The following MCOLN1 variants were observed in gnomAD, a reference collection of about 807,000 sequenced individuals.
MCOLN1 encodes the protein mucolipin TRP cation channel 1, also known as mucolipin-1.
MCOLN1 carries 50 observed loss-of-function variants against 70.3 expected under a neutral mutation model. The ratio of observed to expected loss-of-function variants is 0.71; its 90% confidence interval spans 0.57 to 0.90. MCOLN1 has a LOEUF of 0.90. Ranked by LOEUF, MCOLN1 falls within the 40% of genes least tolerant of loss-of-function variation. MCOLN1 has a pLI of 0.00. For missense variants in MCOLN1, 598 were observed against 803.5 expected (o/e 0.74, Z 3.09); for synonymous variants, 366 against 341.0 (o/e 1.07, Z -0.81).
rs766269225 is a variant in MCOLN1 at position 7,528,220 on chromosome 19, C to T, written c.840C>T (p.His280=). The change falls in exon 7 of 14, where the codon CAC becomes CAT. Residue 280 remains histidine (H), a synonymous_variant. Coordinates refer to ENST00000264079, the MANE Select transcript of MCOLN1 (RefSeq NM_020533.3). The surrounding 1 kb of genome is among the most constrained non-coding windows in gnomAD (Gnocchi z 4.2). ...RIPISLETQA[H]IQECKHPSVF... ...CCATCAGCCTGGAGACCCAGGCCCACATCCAGGAGTGTAAGCACCCCAGTG... is the reference window on the plus strand; with the variant it reads ...CCATCAGCCTGGAGACCCAGGCCCATATCCAGGAGTGTAAGCACCCCAGTG... 5.0e-6 allele frequency: 8 copies of T among 1,614,048 alleles called. No individual in the cohort carries two copies. The East Asian group carries it at 8.9e-5, about 18-fold the overall frequency.
chr19:7,526,296 T>C lies in MCOLN1; in HGVS notation c.238-143T>C. The C allele has an allele frequency of 1.1e-6, 1 of 917,200 alleles. No individual in the cohort carries two copies. The allele number at this position is 917,200 out of a possible 1,614,324, so 56.8% of individuals were successfully genotyped here. On this transcript the variant is annotated intron_variant, in intron 2 of 13. Coordinates refer to ENST00000264079, the MANE Select transcript of MCOLN1 (RefSeq NM_020533.3). The surrounding 1 kb of genome is among the most constrained non-coding windows in gnomAD (Gnocchi z 4.6). Reference sequence around the variant, plus strand: ...GAAATGCACAAGTGAAATCCGTGTTTGTGGCCCAAGTTAGCAGGGCCCTGC... The same window carrying C: ...GAAATGCACAAGTGAAATCCGTGTTCGTGGCCCAAGTTAGCAGGGCCCTGC...
Position 7,525,575 on chromosome 19 carries a change from G to A in MCOLN1, c.237+409G>A, listed in dbSNP as rs938802278. The A allele has an allele frequency of 3.8e-6, 1 of 264,128 alleles. No homozygotes were observed. The highest frequency in any genetic ancestry group is 7.4e-6 in the Non-Finnish European group (1 of 134,514). The allele number at this position is 264,128 out of a possible 1,614,324, so 16.4% of individuals were successfully genotyped here. A position where few individuals can be genotyped will look rare whatever the true frequency, so the allele number is the denominator to read the frequency against. On this transcript the variant is annotated intron_variant, in intron 2 of 13. Transcript: ENST00000264079. This position sits in a 1 kb window ranked among gnomAD's most constrained non-coding sequence, Gnocchi z 4.2. ...CACAGCAATAGAACATTGGGAGCTG[G>A]GATTTGAACCCAGGCAGTCTGACAC...
rs1184455409 is a variant in MCOLN1 at position 7,526,985 on chromosome 19, A to T, written c.571+59A>T. On this transcript the variant is annotated intron_variant, in intron 4 of 13. Transcript: ENST00000264079. The surrounding 1 kb of genome is among the most constrained non-coding windows in gnomAD (Gnocchi z 4.6). ...GCCTGAGCTGCTGGGATTAAAATCA[A>T]CAGCTGTGGCTGGGCACGGTGGCTC... 9.4e-6 allele frequency: 15 copies of T among 1,603,978 alleles called. No individual in the cohort carries two copies. In the Admixed American group the frequency reaches 2.3e-4, roughly 25 times the overall value.
chr19:7,529,863 G>A (rs1416178079), intron 11 of MCOLN1, 151 bp downstream of exon 11: 2 of 983,946 alleles, frequency 2.0e-6, no homozygotes, highest in East Asian at 2.4e-5. Context: ...TGCCATTATT[G>A]TTGTCACAGT....
chr19:7,529,413 C>A (rs184455224), intron 10 of MCOLN1, among the ~76,000 whole-genome samples, 177 bp from the exon 11 acceptor site: 2 of 152,306 alleles, frequency 1.3e-5, no homozygotes, highest in East Asian at 3.9e-4. Context: ...TCTAGCCGTG[C>A]GTTGCCCTCG....
chr19:7,527,954 C>A lies in MCOLN1; in HGVS notation c.771C>A (p.Ser257Arg), dbSNP rs113261161. 2,152 of 1,613,390 alleles carry A rather than the reference C, an allele frequency of 1.3e-3. 24 individuals carry two copies. In the African/African-American group the frequency reaches 0.026, roughly 19 times the overall value. Residue 257 changes from serine (S) to arginine (R), a missense_variant, in exon 6 of 14, where the codon AGC (serine) becomes AGA (arginine). This residue lies in a region of MCOLN1 where 461 missense variants were observed against 588.4 expected (regional missense o/e 0.78). Transcript: ENST00000264079. ...AGATCCCGGACTGCTATACCTTCAG[C>A]GTCCTGGTGAGGCCCCCCGGGAACC... ...NNEIPDCYTF[S>R]VLITFDNKAH...
rs1285448813 is a variant in MCOLN1 at position 7,522,761 on chromosome 19, C to G, written c.11C>G (p.Pro4Arg). ...CGCTCCCGCCCCAGCATGACAGCCC[C>G]GGCGGGTCCGCGCGGCTCAGGTGAG... MTAPAGPRGSETER... is the reference protein window; with the variant it reads MTARAGPRGSETER... Residue 4 changes from proline (P) to arginine (R), a missense_variant, in exon 1 of 14, where the codon CCG (proline) becomes CGG (arginine). By Grantham distance (103) the Pro-to-Arg change is moderately radical. Transcript: ENST00000264079. 8.4e-6 allele frequency: 12 copies of G among 1,423,546 alleles called. No individual in the cohort carries two copies. The highest frequency in any genetic ancestry group is 1.0e-5 in the Non-Finnish European group (11 of 1,091,968). 88.2% of individuals were successfully genotyped at this position (1,423,546 alleles called of 1,614,324 possible). A position where few individuals can be genotyped will look rare whatever the true frequency, so the allele number is the denominator to read the frequency against.
Position 7,528,973 on chromosome 19 carries a change from G to A in MCOLN1, c.1134+3G>A, listed in dbSNP as rs935807227. ...TGAAGATCGGCATCGAGGCCAAGGT[G>A]CGTCCTGCCAACACCCTGGGCCCCA... On this transcript the variant is annotated splice_donor_region_variant and intron_variant, in intron 9 of 13. Transcript: ENST00000264079. This position sits in a 1 kb window ranked among gnomAD's most constrained non-coding sequence, Gnocchi z 4.2. The A allele has an allele frequency of 1.9e-6, 3 of 1,614,100 alleles. No individual in the cohort carries two copies. Among genetic ancestry groups the A allele is most frequent in the African/African-American group, 1.3e-5 (1 of 75,052 alleles).
At chr19:7,532,482 GT>G (rs1416621142) in intron 12 of MCOLN1, among the ~76,000 whole-genome samples, 1 of 151,948 alleles carries the variant, frequency 6.6e-6, no homozygotes, top group Admixed American at 6.6e-5. Flanking sequence ...CCGAGGGGGG[GT>G]GGGGGTGGAT....
rs577502551 is a variant in MCOLN1, at chr19:7,527,085, G to T, written c.571+159G>T. On this transcript the variant is annotated intron_variant, in intron 4 of 13. Coordinates refer to ENST00000264079, the MANE Select transcript of MCOLN1 (RefSeq NM_020533.3). ...AGGCCAGAAGTTTGAGACCAGCCTG[G>T]GCCACGTAGGAAGACCTTGTCTCTA... The T allele has an allele frequency of 2.4e-4, 222 of 907,284 alleles. 3 individuals are homozygous for T. The South Asian group carries it at 3.0e-3, about 12-fold the overall frequency. The allele number at this position is 907,284 out of a possible 1,614,324, so 56.2% of individuals were successfully genotyped here. A position where few individuals can be genotyped will look rare whatever the true frequency, so the allele number is the denominator to read the frequency against.
rs573886701 is a variant in MCOLN1, at chr19:7,528,993, G to T, written c.1134+23G>T. 4.0e-5 allele frequency: 64 copies of T among 1,613,932 alleles called. No individual in the cohort carries two copies. In the South Asian group the frequency reaches 7.0e-4, roughly 18 times the overall value. ...AAGGTGCGTCCTGCCAACACCCTGG[G>T]CCCCAGGTCCCATCCCTGCTGTCAG... On this transcript the variant is annotated intron_variant, in intron 9 of 13. Transcript: ENST00000264079. The surrounding 1 kb of genome is among the most constrained non-coding windows in gnomAD (Gnocchi z 4.2).
At chr19:7,527,717 G>A (rs2022592278) in intron 5 of MCOLN1, 89 bp downstream of exon 5, 2 of 1,110,302 alleles carry the variant, frequency 1.8e-6, no homozygotes, top group Admixed American at 1.7e-5. Context: ...CTAAGGTGGG[G>A]ACAGGGCCCC....
At chr19:7,529,814 T>C in intron 11 of MCOLN1, 102 bp downstream of exon 11, 14 of 1,394,868 alleles carry the variant, frequency 1.0e-5, no homozygotes, top group Non-Finnish European at 1.4e-5. Flanking sequence ...GTCTGTCCAC[T>C]GTCCCCTGTG....
chr19:7,530,255 G>A (rs1568400097), intron 11 of MCOLN1, 31 bp from the exon 12 acceptor site: 2 of 1,590,708 alleles, frequency 1.3e-6, no homozygotes, highest in Admixed American at 1.7e-5. Flanking sequence ...CCATGCCTTG[G>A]CTCCCTCTGA....
intron 12 of MCOLN1, among the ~76,000 whole-genome samples, chr19:7,531,533 C>T (rs989133396): frequency 5.3e-5 from 8 of 152,124 alleles, no homozygotes; most frequent in African/African-American, 1.9e-4. Flanking sequence ...TTGTCATTGA[C>T]CCTGGGACGT....
In MCOLN1 at chr19:7,533,888, A is replaced by T; in HGVS notation, c.*93A>T. 1.3e-6 allele frequency: 2 copies of T among 1,522,940 alleles called. No individual in the cohort carries two copies. The highest frequency in any genetic ancestry group is 1.4e-5 in the African/African-American group (1 of 72,800). The allele number at this position is 1,522,940 out of a possible 1,614,324, so 94.3% of individuals were successfully genotyped here. On this transcript the variant is annotated 3_prime_UTR_variant, in exon 14 of 14. Transcript: ENST00000264079. Reference sequence around the variant, plus strand: ...TTATTTGTAGGGTTTGCTTTTAAGGATCGGCTCCCTGTCGCGCCCGAGGAG... The same window carrying T: ...TTATTTGTAGGGTTTGCTTTTAAGGTTCGGCTCCCTGTCGCGCCCGAGGAG...
rs2022580335 is a variant in MCOLN1 at position 7,526,933 on chromosome 19, G to A, written c.571+7G>A. 2.5e-6 allele frequency: 4 copies of A among 1,614,036 alleles called. No individual in the cohort carries two copies. The East Asian group carries it at 8.9e-5, about 36-fold the overall frequency. ...GATCCGATGGTGGTTACTGGTGAGT[G>A]GGCAGGACGAGGCTTCACTGTTGGG... On this transcript the variant is annotated splice_region_variant and intron_variant, in intron 4 of 13. Transcript: ENST00000264079. The surrounding 1 kb of genome is among the most constrained non-coding windows in gnomAD (Gnocchi z 4.6).
rs1456868188 is a variant in MCOLN1 at position 7,526,176 on chromosome 19, A to G, written c.238-263A>G. The G allele has an allele frequency of 5.3e-6, 3 of 564,046 alleles. No individual in the cohort carries two copies. The highest frequency in any genetic ancestry group is 9.6e-6 in the Non-Finnish European group (3 of 313,088). The allele number at this position is 564,046 out of a possible 1,614,324, so 34.9% of individuals were successfully genotyped here. On this transcript the variant is annotated intron_variant, in intron 2 of 13. Transcript: ENST00000264079. This position sits in a 1 kb window ranked among gnomAD's most constrained non-coding sequence, Gnocchi z 4.6. ...AACGTTAGTCCCTGCAGTGAGATAG[A>G]TGAGTCCCCACCCTGTGTTGTACGG...
rs185558392 is a variant in MCOLN1 at position 7,524,678 on chromosome 19, C to T, written c.32-283C>T. Among the ~76,000 whole-genome samples, 58 of 152,290 alleles carry T rather than the reference C, an allele frequency of 3.8e-4. No individual in the cohort carries two copies. In the East Asian group the frequency reaches 9.1e-3, roughly 24 times the overall value. ...CATGAGACATATTATTGCCCCATTT[C>T]GCAGATGAGGAAACTGAGGCTCAGA... On this transcript the variant is annotated intron_variant, in intron 1 of 13. Coordinates refer to ENST00000264079, the MANE Select transcript of MCOLN1 (RefSeq NM_020533.3). The surrounding 1 kb of genome is among the most constrained non-coding windows in gnomAD (Gnocchi z 4.1).
Sources: gnomAD v4.1 joint callset for allele counts (sites outside exome capture counted in the v4.1 genomes callset) on GRCh38, gnomAD v4.1.1 for gene constraint, gnomAD v4.1.1 regional missense constraint, Gnocchi (gnomAD v3.1) non-coding constraint, MANE v1.5 for transcripts, NCBI Gene and HGNC (gene_info 2026-07-23, HGNC 2026-07-21) for gene names.